DLGAP2: variants seen among roughly 807,000 people sequenced by gnomAD.
DLGAP2 encodes DLG associated protein 2.
In DLGAP2, 26 loss-of-function variants were observed where a neutral mutation model predicts 100.3. That is an observed-to-expected ratio of 0.26 (90% CI 0.19 to 0.36). DLGAP2 has a LOEUF of 0.36. Among genes scored for constraint, DLGAP2 ranks in the 10% least tolerant of loss-of-function variants. The pLI is 1.00. For missense variants in DLGAP2, 1,858 were observed against 1,453.2 expected (o/e 1.28, Z -4.53); for synonymous variants, 886 against 630.1 (o/e 1.41, Z -6.08).
chr8:1,251,958 A>G (rs973335855), intron 2 of DLGAP2, among the ~76,000 whole-genome samples: 2 of 152,214 alleles, frequency 1.3e-5, no homozygotes, highest in Non-Finnish European at 2.9e-5. Context: ...TCATGGTGTC[A>G]CAGTCATGTC....
chr8:1,362,911 G>A (rs889144916), intron 3 of DLGAP2, among the ~76,000 whole-genome samples: 2 of 152,096 alleles, frequency 1.3e-5, no homozygotes, highest in Non-Finnish European at 1.5e-5. Context: ...TTTCCCGTCT[G>A]TCTGTCTGTC....
At chr8:1,171,199 A>C (rs1797121009) in intron 2 of DLGAP2, among the ~76,000 whole-genome samples, 1 of 151,996 alleles carries the variant, frequency 6.6e-6, no homozygotes, top group Non-Finnish European at 1.5e-5. Context: ...GTTTTGAGTG[A>C]GTTTCTTAAT....
intron 2 of DLGAP2, among the ~76,000 whole-genome samples, chr8:996,130 C>T (rs1050311903): frequency 1.3e-5 from 2 of 152,158 alleles, no homozygotes; most frequent in African/African-American, 4.8e-5. Context: ...GCTCCAGGGA[C>T]CACTCCCCTC....
intron 4 of DLGAP2, among the ~76,000 whole-genome samples, chr8:1,512,942 C>T (rs1055981818): frequency 6.6e-6 from 1 of 152,130 alleles, no homozygotes; most frequent in Non-Finnish European, 1.5e-5. Flanking sequence ...TCCCAGGCCA[C>T]AGCGGAGAAA....
chr8:1,253,815 A>T (rs1007593274), intron 2 of DLGAP2, among the ~76,000 whole-genome samples: 5 of 152,190 alleles, frequency 3.3e-5, no homozygotes, highest in Non-Finnish European at 7.3e-5. Flanking sequence ...CTACATTGTG[A>T]ATCTTTTTTA....
chr8:1,666,265 ATGTT>A lies in DLGAP2; in HGVS notation c.1811-2060_1811-2057del, dbSNP rs199664928. Among the ~76,000 whole-genome samples the A allele has an allele frequency of 5.5e-3, 837 of 152,282 alleles. 7 individuals carry two copies. Among genetic ancestry groups the A allele is most frequent in the African/African-American group, 0.019 (778 of 41,558 alleles). On this transcript the variant is annotated intron_variant, in intron 8 of 14. Transcript: ENST00000637795. ...AAAAGAAAAAAAGACAGGATTTTGA[ATGTT>A]TGTCTGGTAAAAGAGAAGCTCAGCA...
intron 2 of DLGAP2, among the ~76,000 whole-genome samples, chr8:1,227,183 A>ATATATATATATATC (rs1563265070): frequency 7.5e-6 from 1 of 132,546 alleles, no homozygotes; most frequent in African/African-American, 3.3e-5. Flanking sequence ...TAGTATAGAT[A>ATATATATATATATC]TATATTATCC....
At chr8:1,391,564 C>T (rs747993059) in intron 3 of DLGAP2, among the ~76,000 whole-genome samples, 23 of 152,138 alleles carry the variant, frequency 1.5e-4, no homozygotes, top group Non-Finnish European at 2.5e-4. Context: ...GCTACCAGCA[C>T]ATGTTCCACC....
chr8:1,322,421 C>T (rs1170888016), intron 3 of DLGAP2, among the ~76,000 whole-genome samples: 1 of 152,214 alleles, frequency 6.6e-6, no homozygotes, highest in Non-Finnish European at 1.5e-5. Flanking sequence ...CGTGCTGGAT[C>T]CTGCTTCTGT....
chr8:1,569,368 A>T (rs1039390595), intron 6 of DLGAP2, among the ~76,000 whole-genome samples: 6 of 152,232 alleles, frequency 3.9e-5, no homozygotes, highest in Non-Finnish European at 7.3e-5. Context: ...TGTTGTAGAT[A>T]ATAAAGCAGA....
At chr8:1,339,661 G>T (rs1286763395) in intron 3 of DLGAP2, among the ~76,000 whole-genome samples, 1 of 152,074 alleles carries the variant, frequency 6.6e-6, no homozygotes, top group African/African-American at 2.4e-5. Flanking sequence ...GCATTCTTTT[G>T]GCCATTGTGA....
intron 3 of DLGAP2, among the ~76,000 whole-genome samples, chr8:1,314,090 T>A (rs1270350688): frequency 1.3e-5 from 2 of 152,248 alleles, no homozygotes; most frequent in Non-Finnish European, 2.9e-5. Context: ...TACTGCTGAC[T>A]TAATTAGATA....
intron 3 of DLGAP2, among the ~76,000 whole-genome samples, chr8:1,501,109 G>T (rs555209989): frequency 2.0e-5 from 3 of 152,214 alleles, no homozygotes; most frequent in Non-Finnish European, 4.4e-5. Flanking sequence ...GAATCATTGG[G>T]ACTCACTGCC....
At chr8:1,325,927 GGTCTAAT>G (rs1397476713) in intron 3 of DLGAP2, among the ~76,000 whole-genome samples, 9 of 152,282 alleles carry the variant, frequency 5.9e-5, no homozygotes, top group African/African-American at 2.2e-4. Context: ...GGTAACTACA[GGTCTAAT>G]CATTATCTTC....
At chr8:1,443,584 TCA>T (rs1472877619) in intron 3 of DLGAP2, among the ~76,000 whole-genome samples, 3 of 152,300 alleles carry the variant, frequency 2.0e-5, no homozygotes, top group South Asian at 2.1e-4. Flanking sequence ...TTTAATGGAC[TCA>T]CAGTTCCACA....
chr8:1,578,475 G>A lies in DLGAP2; in HGVS notation c.1442+12581G>A, dbSNP rs990662202. 2.8e-4 allele frequency among the ~76,000 whole-genome samples: 43 copies of A among 152,148 alleles called. 1 individual carries two copies. Among genetic ancestry groups the A allele is most frequent in the Non-Finnish European group, 5.9e-5 (4 of 68,036 alleles). ...GTTCTTTTTTGACTGCCTGGTACGG[G>A]ACTGGAAGAAGGTTGGGTCTTTAAT... is the stretch of plus-strand genomic sequence containing the variant. On this transcript the variant is annotated intron_variant, in intron 6 of 14. Coordinates refer to ENST00000637795, the MANE Select transcript of DLGAP2 (RefSeq NM_001346810.2).
intron 8 of DLGAP2, among the ~76,000 whole-genome samples, chr8:1,665,621 C>T (rs1419801325): frequency 1.3e-5 from 2 of 152,174 alleles, no homozygotes; most frequent in African/African-American, 4.8e-5. Flanking sequence ...ATTGCTGGGA[C>T]TCAAAACTTC....
At chr8:1,639,081 C>T (rs1284476949) in intron 8 of DLGAP2, among the ~76,000 whole-genome samples, 4 of 152,202 alleles carry the variant, frequency 2.6e-5, no homozygotes, top group Non-Finnish European at 5.9e-5. Flanking sequence ...CCACAGGTGC[C>T]GAGTAGTTCA....
intron 6 of DLGAP2, among the ~76,000 whole-genome samples, chr8:1,572,502 A>G (rs1226105824): frequency 1.9e-4 from 17 of 90,778 alleles, no homozygotes; most frequent in Non-Finnish European, 2.1e-4. Flanking sequence ...CTGTGGGGGC[A>G]TCTTCTGGGA....
Sources: allele counts gnomAD v4.1 joint callset (sites outside exome capture counted in the v4.1 genomes callset), GRCh38; gene constraint gnomAD v4.1.1; transcripts MANE v1.5; gene names NCBI Gene and HGNC (gene_info 2026-07-23, HGNC 2026-07-21).